The following GFOD1 variants were observed in gnomAD, a reference collection of about 807,000 sequenced individuals.
GFOD1 encodes the protein glucose-fructose oxidoreductase domain-containing protein 1.
A neutral mutation model predicts 25.4 loss-of-function variants in GFOD1; 9 were observed. That is an observed-to-expected ratio of 0.35 (90% confidence interval 0.21 to 0.62). GFOD1 has a LOEUF of 0.62. Ranked by LOEUF, GFOD1 falls within the 20% of genes least tolerant of loss-of-function variation. The pLI, the probability that GFOD1 is intolerant of heterozygous loss-of-function variation, is 0.72. For missense variants in GFOD1, 403 were observed against 556.9 expected (o/e 0.72, Z 2.78); for synonymous variants, 253 against 245.6 (o/e 1.03, Z -0.28).
In GFOD1 at chr6:13,364,064, C is replaced by T. The variant is rs1784992158; in HGVS notation, c.*679G>A. 2.0e-5 allele frequency: 3 copies of T among 152,176 alleles called. No individual in the cohort carries two copies. The South Asian group carries it at 6.2e-4, about 32-fold the overall frequency. 9.4% of individuals were successfully genotyped at this position (152,176 alleles called of 1,614,324 possible). A position where few individuals can be genotyped will look rare whatever the true frequency, so the allele number is the denominator to read the frequency against. The stretch of plus-strand genomic sequence containing the variant: ...CCTGCTTTTTGCTTGCTATTTCTGA[C>T]CTCTCTTTCTCTACCAGGTGAAGGG... On this transcript the variant is annotated 3_prime_UTR_variant, in exon 2 of 2. Coordinates refer to ENST00000379287, the MANE Select transcript of GFOD1 (RefSeq NM_018988.4). The surrounding 1 kb of genome is among the most constrained non-coding windows in gnomAD (Gnocchi z 4.1).
intron 1 of GFOD1, among the ~76,000 whole-genome samples, chr6:13,476,267 T>C (rs957919393): frequency 6.6e-6 from 1 of 152,186 alleles, no homozygotes; most frequent in Non-Finnish European, 1.5e-5. Context: ...GCAATAAAGA[T>C]AAATGAACTT....
intron 1 of GFOD1, among the ~76,000 whole-genome samples, chr6:13,391,511 CAAAAA>C (rs57340590): frequency 2.5e-4 from 27 of 108,666 alleles, no homozygotes; most frequent in East Asian, 5.3e-4. Flanking sequence ...AACAAACAAA[CAAAAA>C]AAAAAAAAAA....
chr6:13,393,298 G>C (rs931075304), intron 1 of GFOD1, among the ~76,000 whole-genome samples: 1 of 148,380 alleles, frequency 6.7e-6, no homozygotes, highest in Non-Finnish European at 1.5e-5. Flanking sequence ...AGAGGTTGCA[G>C]TGGGTGGAGA....
intron 1 of GFOD1, among the ~76,000 whole-genome samples, chr6:13,453,261 T>A (rs1377953630): frequency 6.6e-6 from 1 of 152,256 alleles, no homozygotes; most frequent in Non-Finnish European, 1.5e-5. Context: ...GAAGAACGCC[T>A]GTTACCTTCT....
chr6:13,448,363 G>C (rs1176839862), intron 1 of GFOD1, among the ~76,000 whole-genome samples: 1 of 152,116 alleles, frequency 6.6e-6, no homozygotes, highest in Admixed American at 6.5e-5. Context: ...GCAGCCCATG[G>C]GATGTTCTGG....
At chr6:13,468,837 T>A (rs1217651538) in intron 1 of GFOD1, among the ~76,000 whole-genome samples, 1 of 151,928 alleles carries the variant, frequency 6.6e-6, no homozygotes, top group Non-Finnish European at 1.5e-5. Context: ...GCTTTTCACA[T>A]CAGCTGCTTG....
intron 1 of GFOD1, among the ~76,000 whole-genome samples, chr6:13,449,703 T>C (rs1280147317): frequency 1.3e-5 from 2 of 152,190 alleles, no homozygotes; most frequent in East Asian, 3.8e-4. Flanking sequence ...GGTTTCTCCT[T>C]TTGCTTGGCT....
chr6:13,465,424 A>G (rs1351253774), intron 1 of GFOD1, among the ~76,000 whole-genome samples: 1 of 152,170 alleles, frequency 6.6e-6, no homozygotes, highest in Non-Finnish European at 1.5e-5. Flanking sequence ...AGCTTGCTAG[A>G]CATGCAGAAT....
intron 1 of GFOD1, among the ~76,000 whole-genome samples, chr6:13,379,775 G>A (rs561304984): frequency 2.6e-5 from 4 of 152,208 alleles, no homozygotes; most frequent in Admixed American, 1.3e-4. Flanking sequence ...AAGCTTTCTG[G>A]ACCCCTTTCT....
Position 13,486,618 on chromosome 6 carries a change from G to A in GFOD1, c.253+20C>T. ...AAAGGGCGGGGGTGGGACGGAGGATGCGGGGTAGGGGTCGCTCACCTAGGG... is the reference window on the plus strand; with the variant it reads ...AAAGGGCGGGGGTGGGACGGAGGATACGGGGTAGGGGTCGCTCACCTAGGG... On this transcript the variant is annotated intron_variant, in intron 1 of 1. Transcript: ENST00000379287. The A allele has an allele frequency of 6.2e-7, 1 of 1,609,534 alleles. No individual in the cohort carries two copies. The highest frequency in any genetic ancestry group is 1.3e-5 in the African/African-American group (1 of 74,908).
chr6:13,390,995 T>C (rs961391866), intron 1 of GFOD1, among the ~76,000 whole-genome samples: 15 of 152,182 alleles, frequency 9.9e-5, no homozygotes, highest in Non-Finnish European at 1.5e-5. Context: ...ATCTATTTCT[T>C]GGTGTCCCCT....
intron 1 of GFOD1, among the ~76,000 whole-genome samples, chr6:13,397,931 A>T (rs554213485): frequency 7.2e-5 from 11 of 152,214 alleles, no homozygotes; most frequent in Non-Finnish European, 1.3e-4. Context: ...TATGGGCCAC[A>T]TCCCCAGATA....
intron 1 of GFOD1, among the ~76,000 whole-genome samples, chr6:13,473,767 C>G (rs2127578030): frequency 6.6e-6 from 1 of 152,184 alleles, no homozygotes; most frequent in African/African-American, 2.4e-5. Flanking sequence ...GAAGACCAAC[C>G]CACCTTTTCC....
Position 13,398,301 on chromosome 6 carries a change from T to C in GFOD1, c.254-32639A>G, listed in dbSNP as rs1421862114. ...CATTCACAGACACCTAACTTGGATC[T>C]GTTACGAGGCTCACTTCCTTAGCAG... On this transcript the variant is annotated intron_variant, in intron 1 of 1. Transcript: ENST00000379287. Among the ~76,000 whole-genome samples the C allele has an allele frequency of 5.3e-5, 5 of 93,864 alleles. No individual in the cohort carries two copies. The East Asian group carries it at 1.5e-3, about 29-fold the overall frequency. The allele number at this position is 93,864 out of a possible 152,430, so 61.6% of individuals were successfully genotyped here.
At chr6:13,457,464 C>A (rs1271500080) in intron 1 of GFOD1, among the ~76,000 whole-genome samples, 1 of 152,170 alleles carries the variant, frequency 6.6e-6, no homozygotes, top group African/African-American at 2.4e-5. Flanking sequence ...TACCCCCAAC[C>A]CAGGGTCCTC....
chr6:13,448,449 G>T (rs1384846069), intron 1 of GFOD1, among the ~76,000 whole-genome samples: 2 of 152,188 alleles, frequency 1.3e-5, no homozygotes, highest in African/African-American at 2.4e-5. Flanking sequence ...CTGCACAAAG[G>T]AAGTGCTTGA....
At chr6:13,386,685 A>T (rs539301555) in intron 1 of GFOD1, among the ~76,000 whole-genome samples, 1 of 152,288 alleles carries the variant, frequency 6.6e-6, no homozygotes, top group East Asian at 1.9e-4. Context: ...GAGGCTGAAT[A>T]ATCAGCATAT....
At position 13,360,513 on chromosome 6, in the gene GFOD1, G is replaced by C. The variant is rs73364946; in HGVS notation, c.*4230C>G. 264 of 357,060 alleles carry C rather than the reference G, an allele frequency of 7.4e-4. 1 individual carries two copies. Among genetic ancestry groups the C allele is most frequent in the African/African-American group, 4.8e-3 (225 of 46,900 alleles). 22.1% of individuals were successfully genotyped at this position (357,060 alleles called of 1,614,324 possible). On this transcript the variant is annotated 3_prime_UTR_variant, in exon 2 of 2. Transcript: ENST00000379287. ...TCCTACGTTATATTCAGACCCCCAA[G>C]AGCAAATTCCAAGGCCATCTATAAT...
At chr6:13,389,262 G>C (rs1052916828) in intron 1 of GFOD1, among the ~76,000 whole-genome samples, 1 of 152,084 alleles carries the variant, frequency 6.6e-6, no homozygotes, top group Non-Finnish European at 1.5e-5. Context: ...CCCATTACTA[G>C]GTATATACCC....
Sources: allele counts gnomAD v4.1 joint callset (sites outside exome capture counted in the v4.1 genomes callset), GRCh38; gene constraint gnomAD v4.1.1; non-coding constraint Gnocchi (gnomAD v3.1); transcripts MANE v1.5; gene names NCBI Gene and HGNC (gene_info 2026-07-23, HGNC 2026-07-21).